CFAP299: variants seen among roughly 807,000 people sequenced by gnomAD.
CFAP299 encodes cilia- and flagella-associated protein 299.
A neutral mutation model predicts 27.0 loss-of-function variants in CFAP299; 21 were observed. That is an observed-to-expected ratio of 0.78 (90% CI 0.55 to 1.12). The LOEUF (loss-of-function observed/expected upper bound fraction) is 1.12, where lower values mean the gene tolerates loss of function less well. Among genes scored for constraint, CFAP299 ranks in the 50% most tolerant of loss-of-function variants. The pLI, the probability that CFAP299 is intolerant of heterozygous loss-of-function variation, is 0.00. For missense variants in CFAP299, 310 were observed against 276.6 expected, an observed-to-expected ratio of 1.12 and a Z score of -0.86; for synonymous variants, 104 against 98.1, an observed-to-expected ratio of 1.06 and a Z score of -0.36.
chr4:80,589,980 G>A (rs982013177), intron 3 of CFAP299, among the ~76,000 whole-genome samples: 4 of 152,052 alleles, frequency 2.6e-5, no homozygotes, highest in African/African-American at 7.2e-5. Flanking sequence ...ATAATTACAA[G>A]CCTGTAATTA....
intron 4 of CFAP299, among the ~76,000 whole-genome samples, chr4:80,933,310 C>A (rs1021013485): frequency 3.9e-5 from 6 of 152,054 alleles, no homozygotes; most frequent in African/African-American, 1.2e-4. Flanking sequence ...TTCATCCTCC[C>A]AGCACCCCCT....
chr4:80,384,368 A>C (rs1347882208), intron 2 of CFAP299, among the ~76,000 whole-genome samples: 1 of 152,158 alleles, frequency 6.6e-6, no homozygotes, highest in African/African-American at 2.4e-5. Flanking sequence ...ATTATTCATA[A>C]ATATTTTGAA....
chr4:80,924,540 A>G (rs3038567), intron 4 of CFAP299, among the ~76,000 whole-genome samples: 15,528 of 93,626 alleles, frequency 0.17, 1,367 homozygotes, highest in African/African-American at 0.37. Flanking sequence ...GTGTGTGTGT[A>G]TATATATATA....
chr4:80,563,042 G>C (rs1343213918), intron 2 of CFAP299, among the ~76,000 whole-genome samples: 1 of 151,986 alleles, frequency 6.6e-6, no homozygotes, highest in Non-Finnish European at 1.5e-5. Context: ...GGAGCACCTA[G>C]ATATGTAAAG....
At chr4:80,365,418 G>A (rs183326196) in intron 2 of CFAP299, among the ~76,000 whole-genome samples, 1 of 152,200 alleles carries the variant, frequency 6.6e-6, no homozygotes, top group Admixed American at 6.5e-5. Context: ...TGTTCATGAA[G>A]CAAAGGACCT....
chr4:80,565,311 A>T (rs1735225420), intron 2 of CFAP299, among the ~76,000 whole-genome samples: 1 of 152,104 alleles, frequency 6.6e-6, no homozygotes, highest in African/African-American at 2.4e-5. Flanking sequence ...AAAAGGAGTG[A>T]AATGTCTGTT....
At chr4:80,564,171 A>ACTCATT (rs1735171448) in intron 2 of CFAP299, among the ~76,000 whole-genome samples, 1 of 152,034 alleles carries the variant, frequency 6.6e-6, no homozygotes. Context: ...ATACTTCCAA[A>ACTCATT]CTCATTCTAC....
At chr4:80,577,447 G>C (rs1028921112) in intron 2 of CFAP299, among the ~76,000 whole-genome samples, 5 of 119,546 alleles carry the variant, frequency 4.2e-5, no homozygotes, top group African/African-American at 1.6e-4. Context: ...TCTGTTGCCA[G>C]GCTGGAGTGC....
rs1417605897 is a variant in CFAP299 at position 80,858,482 on chromosome 4, T to G, written c.334-11511T>G. 5.9e-5 allele frequency among the ~76,000 whole-genome samples: 9 copies of G among 152,336 alleles called. No individual in the cohort carries two copies. The South Asian group carries it at 1.9e-3, about 32-fold the overall frequency. On this transcript the variant is annotated intron_variant, in intron 3 of 5. Coordinates refer to ENST00000358105, the MANE Select transcript of CFAP299 (RefSeq NM_152770.3). ...AATGTGTTTGCTCTTGCTTTTCTAGTTCTTTTAATTGTGATGTTGGGGTGT... is the reference window on the plus strand; with the variant it reads ...AATGTGTTTGCTCTTGCTTTTCTAGGTCTTTTAATTGTGATGTTGGGGTGT...
At chr4:80,620,918 T>C (rs941758272) in intron 3 of CFAP299, among the ~76,000 whole-genome samples, 7 of 152,088 alleles carry the variant, frequency 4.6e-5, no homozygotes, top group African/African-American at 1.7e-4. Flanking sequence ...CATAAGTATA[T>C]AGAGTGTCTC....
At chr4:80,655,576 TA>T (rs1740512369) in intron 3 of CFAP299, among the ~76,000 whole-genome samples, 1 of 152,148 alleles carries the variant, frequency 6.6e-6, no homozygotes, top group South Asian at 2.1e-4. Flanking sequence ...TTTTCAAGGG[TA>T]TGGGAATATG....
chr4:80,697,199 A>G (rs1721157620), intron 3 of CFAP299, among the ~76,000 whole-genome samples: 1 of 152,066 alleles, frequency 6.6e-6, no homozygotes, highest in African/African-American at 2.4e-5. Context: ...GAAAAAAAAA[A>G]TTCTACTTAT....
intron 2 of CFAP299, among the ~76,000 whole-genome samples, chr4:80,367,589 A>G (rs1052011214): frequency 3.9e-5 from 6 of 152,084 alleles, no homozygotes; most frequent in Admixed American, 3.3e-4. Context: ...GATGTGGGGC[A>G]GGGTCGGGGG....
chr4:80,688,016 C>A (rs559088215), intron 3 of CFAP299, among the ~76,000 whole-genome samples: 13 of 152,352 alleles, frequency 8.5e-5, no homozygotes, highest in African/African-American at 3.1e-4. Flanking sequence ...AGATTGTGTC[C>A]CGCACCTGGC....
chr4:80,832,131 C>G (rs1404282614), intron 3 of CFAP299, among the ~76,000 whole-genome samples: 3 of 152,062 alleles, frequency 2.0e-5, no homozygotes, highest in Admixed American at 6.6e-5. Flanking sequence ...TTGTGTAATG[C>G]CCAGGAACTT....
At chr4:80,844,663 C>T (rs1214319285) in intron 3 of CFAP299, among the ~76,000 whole-genome samples, 1 of 152,088 alleles carries the variant, frequency 6.6e-6, no homozygotes, top group Non-Finnish European at 1.5e-5. Context: ...AGCCCTTTGT[C>T]AGATGAGTAG....
chr4:80,841,123 A>G (rs1730840826), intron 3 of CFAP299, among the ~76,000 whole-genome samples: 1 of 152,176 alleles, frequency 6.6e-6, no homozygotes, highest in Non-Finnish European at 1.5e-5. Flanking sequence ...AACACACAGT[A>G]ACAATAAGCA....
chr4:80,874,021 G>T (rs1348692690), intron 4 of CFAP299, among the ~76,000 whole-genome samples: 1 of 152,148 alleles, frequency 6.6e-6, no homozygotes, highest in Non-Finnish European at 1.5e-5. Flanking sequence ...AGCCCCTGAA[G>T]TTAGAATTAT....
chr4:80,921,540 A>G (rs759966342), intron 4 of CFAP299, among the ~76,000 whole-genome samples: 1 of 152,082 alleles, frequency 6.6e-6, no homozygotes, highest in Non-Finnish European at 1.5e-5. Flanking sequence ...GGAAACTATC[A>G]GTAGTTCAGG....
Sources: gnomAD v4.1 joint callset for allele counts (sites outside exome capture counted in the v4.1 genomes callset) on GRCh38, gnomAD v4.1.1 for gene constraint, MANE v1.5 for transcripts, NCBI Gene and HGNC (gene_info 2026-07-23, HGNC 2026-07-21) for gene names.